ZNF407: variants seen among roughly 807,000 people sequenced by gnomAD.
The protein encoded by ZNF407 is zinc finger protein 407.
In ZNF407, 17 loss-of-function variants were observed where a neutral mutation model predicts 131.2. That is an observed-to-expected ratio of 0.13 (90% CI 0.09 to 0.19). ZNF407 has a LOEUF of 0.19. ZNF407 is among the 10% of genes least tolerant of loss of function. The pLI is 1.00. For synonymous variants in ZNF407, 1,156 were observed against 1,062.0 expected, an observed-to-expected ratio of 1.09 and a Z score of -1.72; for missense variants, 2,681 against 2,830.6, an observed-to-expected ratio of 0.95 and a Z score of 1.20.
intron 5 of ZNF407, among the ~76,000 whole-genome samples, chr18:74,879,150 A>G (rs1243006673): frequency 1.3e-5 from 2 of 152,228 alleles, no homozygotes; most frequent in Non-Finnish European, 2.9e-5. Flanking sequence ...GCATCTATGC[A>G]TGTAGAAAAT....
At chr18:74,598,629 C>T in intron 1 of ZNF407, 1 of 152,424 alleles carries the variant, frequency 6.6e-6, no homozygotes, top group Non-Finnish European at 1.5e-5. Flanking sequence ...AGTGCGGTGG[C>T]CGAAAGCACC....
chr18:74,849,216 T>C (rs1015695579), intron 4 of ZNF407, among the ~76,000 whole-genome samples: 2 of 151,878 alleles, frequency 1.3e-5, no homozygotes, highest in South Asian at 4.2e-4. Context: ...GTAGCTGGGA[T>C]TACAGGCGCC....
In ZNF407 at chr18:75,062,963, C is replaced by A. The variant is rs577261416; in HGVS notation, c.5429-187C>A. 5 of 553,760 alleles carry A rather than the reference C, an allele frequency of 9.0e-6. No individual in the cohort carries two copies. In the South Asian group the frequency reaches 1.4e-4, roughly 16 times the overall value. 34.3% of individuals were successfully genotyped at this position (553,760 alleles called of 1,614,324 possible). On this transcript the variant is annotated intron_variant, in intron 8 of 8. Coordinates refer to ENST00000299687, the MANE Select transcript of ZNF407 (RefSeq NM_017757.3). ...ACTGTGTGTGCCCTTGAGCCTAGAG[C>A]CTGCCTGCAGATGCCCACGGAGGCC...
At position 74,632,307 on chromosome 18, in the gene ZNF407, C is replaced by G. The variant is rs1984145300; in HGVS notation, c.1288C>G (p.Arg430Gly). The G allele has an allele frequency of 1.9e-6, 3 of 1,613,932 alleles. No individual in the cohort carries two copies. Among genetic ancestry groups the G allele is most frequent in the Non-Finnish European group, 2.5e-6 (3 of 1,179,892 alleles). Residue 430 changes from arginine (R) to glycine (G), a missense_variant, in exon 2 of 9, where the codon CGA (arginine) becomes GGA (glycine). Around this residue, in one of 6 missense-constraint regions of ZNF407, gnomAD observed 1,789 missense variants for 1,748.7 expected, o/e 1.02. Coordinates refer to ENST00000299687, the MANE Select transcript of ZNF407 (RefSeq NM_017757.3). ...CGTGTTGGGTAATAGCTTTCGTCGA[C>G]GAAGCAGCACTTTCACCTTGAAGGG... ...ILVLGNSFRR[R>G]SSTFTLKGQA...
chr18:74,620,025 T>TAAA (rs36173609), intron 1 of ZNF407, among the ~76,000 whole-genome samples: 3 of 147,268 alleles, frequency 2.0e-5, no homozygotes, highest in Non-Finnish European at 1.5e-5. Flanking sequence ...TCCCAATAAT[T>TAAA]AAAAAAAAAA....
intron 3 of ZNF407, among the ~76,000 whole-genome samples, chr18:74,714,542 G>C (rs1967845433): frequency 6.6e-6 from 1 of 151,932 alleles, no homozygotes; most frequent in African/African-American, 2.4e-5. Flanking sequence ...TGATTTTCCT[G>C]GTACTTGTTA....
chr18:74,622,212 C>T (rs965815417), intron 1 of ZNF407, among the ~76,000 whole-genome samples: 2 of 152,088 alleles, frequency 1.3e-5, no homozygotes, highest in South Asian at 2.1e-4. Context: ...CATGGGGTTT[C>T]GTGACTACAA....
intron 8 of ZNF407, among the ~76,000 whole-genome samples, chr18:74,980,099 G>GAA (rs5826358): frequency 0.15 from 22,337 of 149,950 alleles, 1,850 homozygotes; most frequent in Admixed American, 0.26. Context: ...TCCACTGTTG[G>GAA]AAAAAAAAAT....
Position 74,631,177 on chromosome 18 carries a change from T to C in ZNF407, c.158T>C (p.Phe53Ser). Residue 53 changes from phenylalanine (F) to serine (S), a missense_variant, in exon 2 of 9, where the codon TTT becomes TCT. This residue lies in a region of ZNF407 where 1,789 missense variants were observed against 1,748.7 expected (regional missense o/e 1.02). Coordinates refer to ENST00000299687, the MANE Select transcript of ZNF407 (RefSeq NM_017757.3). Reference protein sequence around the residue: ...FPENSMGKRGFSESSNSDSVV... With the variant: ...FPENSMGKRGSSESSNSDSVV... Reference sequence around the variant, plus strand: ...GAGAATTCTATGGGCAAAAGAGGTTTTTCAGAATCATCGAACTCTGATAGT... The same window carrying C: ...GAGAATTCTATGGGCAAAAGAGGTTCTTCAGAATCATCGAACTCTGATAGT... 1 of 1,614,024 alleles carries C rather than the reference T, an allele frequency of 6.2e-7. No homozygotes were observed. Among genetic ancestry groups the C allele is most frequent in the Non-Finnish European group, 8.5e-7 (1 of 1,179,894 alleles).
intron 3 of ZNF407, among the ~76,000 whole-genome samples, chr18:74,711,611 G>T (rs1967764199): frequency 6.6e-6 from 1 of 152,164 alleles, no homozygotes; most frequent in Admixed American, 6.5e-5. Context: ...AGAACTGCAG[G>T]TCTGTAAGAT....
In ZNF407 at chr18:74,962,949, A is replaced by T. The variant is rs78265129; in HGVS notation, c.5428+42257A>T. 3.9e-3 allele frequency among the ~76,000 whole-genome samples: 588 copies of T among 152,346 alleles called. 5 individuals carry two copies. The highest frequency in any genetic ancestry group is 0.013 in the African/African-American group (541 of 41,566). On this transcript the variant is annotated intron_variant, in intron 8 of 8. Coordinates refer to ENST00000299687, the MANE Select transcript of ZNF407 (RefSeq NM_017757.3). ...GCTGGAAATCTTATTCACCTGAACAATAGATGCCTATCATTCTTGTATACA... is the reference window on the plus strand; with the variant it reads ...GCTGGAAATCTTATTCACCTGAACATTAGATGCCTATCATTCTTGTATACA...
chr18:75,060,927 G>A (rs1163699992), intron 8 of ZNF407, among the ~76,000 whole-genome samples: 1 of 152,158 alleles, frequency 6.6e-6, no homozygotes, highest in African/African-American at 2.4e-5. Context: ...ATCCAGGACC[G>A]TGTTCCTCCA....
chr18:74,986,196 T>TG (rs1472964689), intron 8 of ZNF407, among the ~76,000 whole-genome samples: 3 of 151,532 alleles, frequency 2.0e-5, no homozygotes, highest in Admixed American at 6.6e-5. Flanking sequence ...TAAATACAAA[T>TG]GCAGTCTAGT....
intron 4 of ZNF407, among the ~76,000 whole-genome samples, chr18:74,871,217 T>C (rs796455254): frequency 6.6e-6 from 1 of 152,202 alleles, no homozygotes; most frequent in African/African-American, 2.4e-5. Flanking sequence ...GTGATTGTTT[T>C]CAGATACAGT....
At chr18:74,605,849 ACG>A (rs928585747) in intron 1 of ZNF407, among the ~76,000 whole-genome samples, 86 of 152,334 alleles carry the variant, frequency 5.6e-4, no homozygotes, top group African/African-American at 2.0e-3. Context: ...AACCCAGCCC[ACG>A]TCTGTGTGTG....
rs564596543 is a variant in ZNF407 at position 75,007,310 on chromosome 18, G to T, written c.5429-55840G>T. Among the ~76,000 whole-genome samples the T allele has an allele frequency of 1.3e-4, 20 of 150,382 alleles. No individual in the cohort carries two copies. The South Asian group carries it at 4.2e-3, about 32-fold the overall frequency. On this transcript the variant is annotated intron_variant, in intron 8 of 8. Coordinates refer to ENST00000299687, the MANE Select transcript of ZNF407 (RefSeq NM_017757.3). Reference sequence around the variant, plus strand: ...TACCTCATTCCATCTTTTTTCTTCTGCACATTCTTTTTCTGTTCTTTTGGT... The same window carrying T: ...TACCTCATTCCATCTTTTTTCTTCTTCACATTCTTTTTCTGTTCTTTTGGT...
At chr18:75,034,453 G>A (rs369873848) in intron 8 of ZNF407, among the ~76,000 whole-genome samples, 92 of 151,780 alleles carry the variant, frequency 6.1e-4, no homozygotes, top group African/African-American at 1.1e-3. Flanking sequence ...ACAGGTGCGC[G>A]CCACCATGCC....
intron 8 of ZNF407, among the ~76,000 whole-genome samples, chr18:74,981,102 G>T (rs540247632): frequency 6.6e-6 from 1 of 152,192 alleles, no homozygotes; most frequent in African/African-American, 2.4e-5. Flanking sequence ...TACTAATGCC[G>T]GGAAGCATCA....
chr18:74,936,780 G>T (rs971131648), intron 8 of ZNF407, among the ~76,000 whole-genome samples: 1 of 152,148 alleles, frequency 6.6e-6, no homozygotes, highest in African/African-American at 2.4e-5. Flanking sequence ...CAGAAATATG[G>T]TCATATGAAC....
Sources: allele counts gnomAD v4.1 joint callset (sites outside exome capture counted in the v4.1 genomes callset), GRCh38; gene constraint gnomAD v4.1.1; regional missense constraint gnomAD v4.1.1; transcripts MANE v1.5; gene names NCBI Gene and HGNC (gene_info 2026-07-23, HGNC 2026-07-21).